The following AKAP19 variants were observed in gnomAD, a reference collection of about 807,000 sequenced individuals.
The protein encoded by AKAP19 is A-kinase anchoring protein 19, also known as small A-kinase anchoring protein.
At chr2:189,892,683 G>A in the AKAP19 span, among the ~76,000 whole-genome samples, 2 of 152,200 alleles carry the variant, frequency 1.3e-5, no homozygotes, top group African/African-American at 4.8e-5. Flanking sequence ...CTGCTGGGAG[G>A]TGTCTCCTAG....
At chr2:190,084,277 G>A in the AKAP19 span, among the ~76,000 whole-genome samples, 30 of 152,136 alleles carry the variant, frequency 2.0e-4, 1 homozygote, top group African/African-American at 6.7e-4. Context: ...ACTTTTAGTA[G>A]AGACAGGGTT....
At chr2:189,981,273 CTTTT>C in the AKAP19 span, among the ~76,000 whole-genome samples, 50 of 128,964 alleles carry the variant, frequency 3.9e-4, no homozygotes, top group Middle Eastern at 3.9e-3. Context: ...CCTTCTTTGT[CTTTT>C]TTTTTTTTTT....
the AKAP19 span, chr2:190,189,753 T>C: frequency 6.6e-6 from 1 of 152,212 alleles, no homozygotes; most frequent in Non-Finnish European, 1.5e-5. Flanking sequence ...CAAATTGGTT[T>C]CTCATTTATT....
At chr2:190,147,626 A>G in the AKAP19 span, among the ~76,000 whole-genome samples, 2 of 151,966 alleles carry the variant, frequency 1.3e-5, no homozygotes, top group East Asian at 1.9e-4. Flanking sequence ...CTATGCATTC[A>G]TGAGCATGGG....
the AKAP19 span, among the ~76,000 whole-genome samples, chr2:190,003,614 A>T: frequency 3.3e-5 from 5 of 152,188 alleles, no homozygotes; most frequent in African/African-American, 1.2e-4. Flanking sequence ...CTGTAATTCC[A>T]GCACTTTGGG....
At chr2:190,173,618 A>G in the AKAP19 span, among the ~76,000 whole-genome samples, 1 of 152,224 alleles carries the variant, frequency 6.6e-6, no homozygotes, top group African/African-American at 2.4e-5. Context: ...CAGATAGATC[A>G]TCTGACTTCT....
chr2:189,954,414 C>T, the AKAP19 span, among the ~76,000 whole-genome samples: 8 of 151,074 alleles, frequency 5.3e-5, no homozygotes, highest in South Asian at 1.0e-3. Context: ...TGTGATATGA[C>T]CAAACTTCTT....
chr2:189,961,594 A>G, the AKAP19 span, among the ~76,000 whole-genome samples: 3 of 152,130 alleles, frequency 2.0e-5, no homozygotes, highest in African/African-American at 7.2e-5. Context: ...GGTTCTTGAC[A>G]TTTTAAGGTG....
chr2:190,001,297 C>T, the AKAP19 span, among the ~76,000 whole-genome samples: 1 of 152,050 alleles, frequency 6.6e-6, no homozygotes, highest in Admixed American at 6.6e-5. Flanking sequence ...GCTTTGAAAT[C>T]GTTGTTAAAT....
At chr2:190,131,192 TC>T in the AKAP19 span, among the ~76,000 whole-genome samples, 3 of 152,128 alleles carry the variant, frequency 2.0e-5, no homozygotes, top group African/African-American at 7.2e-5. Flanking sequence ...GATAGAAGCA[TC>T]TTTTGTTCTA....
the AKAP19 span, among the ~76,000 whole-genome samples, chr2:190,019,095 T>A: frequency 2.6e-5 from 4 of 152,194 alleles, no homozygotes; most frequent in Non-Finnish European, 5.9e-5. Flanking sequence ...CTGCTTAGGA[T>A]AGATGGCAGC....
chr2:189,905,885 T>C, the AKAP19 span, among the ~76,000 whole-genome samples: 7,580 of 152,122 alleles, frequency 0.05, 312 homozygotes, highest in African/African-American at 0.1. Context: ...CCTTTTACAT[T>C]AATTTTAGAA....
chr2:190,079,636 G>C, the AKAP19 span: 1 of 152,186 alleles, frequency 6.6e-6, no homozygotes, highest in Non-Finnish European at 1.5e-5. Context: ...CATGGCGAGA[G>C]CCCGTCTCTA....
chr2:190,152,100 G>C, the AKAP19 span, among the ~76,000 whole-genome samples: 1 of 152,016 alleles, frequency 6.6e-6, no homozygotes, highest in Non-Finnish European at 1.5e-5. Context: ...AAAGTGGGAG[G>C]ATCGCTGGAG....
chr2:190,141,560 G>A, the AKAP19 span, among the ~76,000 whole-genome samples: 8 of 152,208 alleles, frequency 5.3e-5, no homozygotes, highest in East Asian at 1.9e-4. Flanking sequence ...GAAAAGCCCC[G>A]TGTAAAACCA....
the AKAP19 span, among the ~76,000 whole-genome samples, chr2:189,964,940 T>C: frequency 3.9e-5 from 6 of 152,236 alleles, no homozygotes; most frequent in African/African-American, 1.4e-4. Flanking sequence ...ACTTTTCCTT[T>C]GCATTCACAA....
the AKAP19 span, chr2:190,199,960 TG>T: frequency 6.2e-7 from 1 of 1,614,104 alleles, no homozygotes. Context: ...AGAAGAGAGA[TG>T]TCTACCTAGG....
the AKAP19 span, among the ~76,000 whole-genome samples, chr2:189,994,101 C>A: frequency 1.3e-5 from 2 of 151,528 alleles, no homozygotes; most frequent in Admixed American, 1.3e-4. Context: ...ACCTCCACCT[C>A]CTGGGTTCAA....
chr2:189,927,535 G>A, the AKAP19 span, among the ~76,000 whole-genome samples: 1 of 152,122 alleles, frequency 6.6e-6, no homozygotes, highest in East Asian at 1.9e-4. Context: ...GAAGAATTCT[G>A]TATACACTTC....
Sources: allele counts gnomAD v4.1 joint callset (sites outside exome capture counted in the v4.1 genomes callset), GRCh38; gene constraint gnomAD v4.1.1; transcripts MANE v1.5; gene names NCBI Gene and HGNC (gene_info 2026-07-23, HGNC 2026-07-21).